Variants in ADAMTS17 observed in about 807,000 individuals in gnomAD.
ADAMTS17 encodes the protein A disintegrin and metalloproteinase with thrombospondin motifs 17.
Under a neutral mutation model 141.5 loss-of-function variants are expected in ADAMTS17, and 113 were observed. The ratio of observed to expected loss-of-function variants is 0.80; its 90% CI spans 0.69 to 0.93. ADAMTS17 has a LOEUF of 0.93. Among genes scored for constraint, ADAMTS17 ranks in the 40% least tolerant of loss-of-function variants. ADAMTS17 has a pLI of 0.00. For synonymous variants in ADAMTS17, 768 were observed against 630.6 expected (o/e 1.22, Z -3.27); for missense variants, 1,659 against 1,517.9 (o/e 1.09, Z -1.54).
chr15:100,135,287 T>C (rs971854754), intron 10 of ADAMTS17, among the ~76,000 whole-genome samples: 20 of 74,310 alleles, frequency 2.7e-4, no homozygotes, highest in African/African-American at 6.7e-4. Flanking sequence ...AATTAACAAC[T>C]TTTTTTTTTT....
intron 8 of ADAMTS17, among the ~76,000 whole-genome samples, chr15:100,184,848 G>A (rs1207476676): frequency 6.6e-6 from 1 of 152,174 alleles, no homozygotes; most frequent in African/African-American, 2.4e-5. Flanking sequence ...TCTGTATGTG[G>A]CAGGTATGAT....
intron 10 of ADAMTS17, among the ~76,000 whole-genome samples, chr15:100,142,655 G>C (rs2038713696): frequency 6.6e-6 from 1 of 152,226 alleles, no homozygotes; most frequent in Non-Finnish European, 1.5e-5. Context: ...TAGGCAACCT[G>C]TTCAAGAACA....
intron 21 of ADAMTS17, among the ~76,000 whole-genome samples, chr15:99,974,789 G>C (rs1201166150): frequency 6.6e-6 from 1 of 152,262 alleles, no homozygotes; most frequent in African/African-American, 2.4e-5. Context: ...ACAGAGTGTG[G>C]TGGTCTGGCT....
At position 100,051,668 on chromosome 15, in the gene ADAMTS17, T is replaced by G; in HGVS notation, c.2359A>C (p.Thr787Pro). The G allele has an allele frequency of 6.2e-7, 1 of 1,614,228 alleles. No homozygotes were observed. The highest frequency in any genetic ancestry group is 1.1e-5 in the South Asian group (1 of 91,088). ...HYEYTVPVNR[T>P]AENQSEPEKP... ...TCTGGTTCGCTTTGATTTTCCGCAG[T>G]GCGGTTTACAGGAACAGTGTATTCA... Residue 787 changes from threonine (T) to proline (P), a missense_variant, in exon 17 of 22, where the codon ACT (threonine) becomes CCT (proline). Thr to Pro is a conservative substitution (Grantham distance 38). Coordinates refer to ENST00000268070, the MANE Select transcript of ADAMTS17 (RefSeq NM_139057.4).
At chr15:100,238,543 C>T (rs2042730134) in intron 7 of ADAMTS17, among the ~76,000 whole-genome samples, 1 of 152,168 alleles carries the variant, frequency 6.6e-6, no homozygotes, top group African/African-American at 2.4e-5. Flanking sequence ...CTGTGATGGA[C>T]ACAGCAAAGG....
At chr15:99,976,290 T>C (rs780814062) in intron 20 of ADAMTS17, 68 bp from the exon 21 acceptor site, 52 of 1,520,132 alleles carry the variant, frequency 3.4e-5, no homozygotes, top group Non-Finnish European at 4.2e-5. Flanking sequence ...GGCCTCACAA[T>C]GTGGCACTGC....
At chr15:100,117,152 A>G in intron 12 of ADAMTS17, 139 bp from the exon 13 acceptor site, 1 of 983,076 alleles carries the variant, frequency 1.0e-6, no homozygotes, top group South Asian at 1.4e-5. Flanking sequence ...CTGCTGTTAC[A>G]GACCAAATGC....
intron 3 of ADAMTS17, among the ~76,000 whole-genome samples, chr15:100,328,809 A>G (rs893908618): frequency 6.6e-6 from 1 of 152,142 alleles, no homozygotes; most frequent in African/African-American, 2.4e-5. Flanking sequence ...TATCTCATCT[A>G]CAAGCACGCT....
intron 6 of ADAMTS17, among the ~76,000 whole-genome samples, chr15:100,258,102 G>C (rs1434462979): frequency 2.0e-5 from 3 of 152,186 alleles, no homozygotes; most frequent in African/African-American, 7.2e-5. Flanking sequence ...CAGCATATCT[G>C]TTTACCCATT....
intron 8 of ADAMTS17, among the ~76,000 whole-genome samples, chr15:100,187,871 C>T (rs1372508457): frequency 6.6e-6 from 1 of 152,188 alleles, no homozygotes; most frequent in African/African-American, 2.4e-5. Flanking sequence ...GGCAAGAGAG[C>T]AAAGTCAGCA....
In ADAMTS17 at chr15:99,974,325, C is replaced by T. The variant is rs1291942141; in HGVS notation, c.*77G>A. 1.2e-6 allele frequency: 2 copies of T among 1,600,182 alleles called. No homozygotes were observed. Among genetic ancestry groups the T allele is most frequent in the Non-Finnish European group, 1.7e-6 (2 of 1,171,574 alleles). ...TTGTGGCAGCCGGGTGGGGGCGTGG[C>T]CACAAGGCTGGTAGGCTTGCGGGTG... On this transcript the variant is annotated 3_prime_UTR_variant, in exon 22 of 22. Transcript: ENST00000268070.
rs544011764 is a variant in ADAMTS17, at chr15:100,273,913, T to C, written c.789+7316A>G. On this transcript the variant is annotated intron_variant, in intron 4 of 21. Transcript: ENST00000268070. The stretch of plus-strand genomic sequence containing the variant: ...ATTTATCTCTAAGTATTTTCCAATG[T>C]CACTTGTGATTTCTTCTTTGACTCT... Among the ~76,000 whole-genome samples the C allele has an allele frequency of 9.0e-4, 137 of 152,326 alleles. No individual in the cohort carries two copies. The Middle Eastern group carries it at 0.01, about 11-fold the overall frequency.
rs574200973 is a variant in ADAMTS17 at position 100,017,279 on chromosome 15, C to T, written c.2592-19690G>A. Among the ~76,000 whole-genome samples the T allele has an allele frequency of 5.3e-5, 8 of 152,346 alleles. No individual in the cohort carries two copies. The East Asian group carries it at 1.5e-3, about 29-fold the overall frequency. On this transcript the variant is annotated intron_variant, in intron 18 of 21. Transcript: ENST00000268070. ...GCAAGCTAGGCTTGAGAACTTGCCC[C>T]AGGCTATCTGCCTCCCAGCTGTGAA...
intron 7 of ADAMTS17, among the ~76,000 whole-genome samples, chr15:100,224,678 T>G (rs1323306476): frequency 6.6e-6 from 1 of 152,192 alleles, no homozygotes; most frequent in Non-Finnish European, 1.5e-5. Context: ...AACCTTCTCC[T>G]AGGATTACAT....
At chr15:100,055,212 A>C (rs772275653) in intron 15 of ADAMTS17, among the ~76,000 whole-genome samples, 5 of 152,216 alleles carry the variant, frequency 3.3e-5, no homozygotes, top group Non-Finnish European at 5.9e-5. Context: ...TACTCAGTCC[A>C]TATCAATGAA....
intron 8 of ADAMTS17, among the ~76,000 whole-genome samples, chr15:100,157,565 C>T (rs964108921): frequency 6.6e-6 from 1 of 152,154 alleles, no homozygotes; most frequent in South Asian, 2.1e-4. Context: ...TGACTGGAGG[C>T]CCACAGGCTC....
intron 13 of ADAMTS17, among the ~76,000 whole-genome samples, chr15:100,114,424 G>C (rs1394449000): frequency 6.6e-6 from 1 of 151,910 alleles, no homozygotes; most frequent in Non-Finnish European, 1.5e-5. Flanking sequence ...TTCTAAATTG[G>C]CCATCTATTA....
chr15:100,189,595 G>A (rs2040844738), intron 8 of ADAMTS17, among the ~76,000 whole-genome samples: 1 of 152,226 alleles, frequency 6.6e-6, no homozygotes, highest in African/African-American at 2.4e-5. Flanking sequence ...ACAGGAACAT[G>A]TGCTCCTGCT....
intron 15 of ADAMTS17, among the ~76,000 whole-genome samples, chr15:100,084,699 C>G (rs2034985209): frequency 6.6e-6 from 1 of 152,216 alleles, no homozygotes; most frequent in Admixed American, 6.5e-5. Context: ...AGGCGCTGTT[C>G]TGCAGCCACT....
Sources: gnomAD v4.1 joint callset for allele counts (sites outside exome capture counted in the v4.1 genomes callset) on GRCh38, gnomAD v4.1.1 for gene constraint, MANE v1.5 for transcripts, NCBI Gene and HGNC (gene_info 2026-07-23, HGNC 2026-07-21) for gene names.